MAPK6: variants seen among roughly 807,000 people sequenced by gnomAD.
MAPK6 encodes the protein ERK-3.
In MAPK6, 19 loss-of-function variants were observed where a neutral mutation model predicts 59.3. The observed-to-expected ratio is 0.32, with a 90% CI of 0.22 to 0.47. The LOEUF is 0.47. Ranked by LOEUF, MAPK6 falls within the 20% of genes least tolerant of loss-of-function variation. The pLI is 1.00. For synonymous variants in MAPK6, 316 were observed against 290.3 expected, an observed-to-expected ratio of 1.09 and a Z score of -0.90; for missense variants, 724 against 847.9, an observed-to-expected ratio of 0.85 and a Z score of 1.81.
intron 2 of MAPK6, among the ~76,000 whole-genome samples, chr15:51,984,430 T>C (rs1004986859): frequency 2.1e-5 from 3 of 145,026 alleles, no homozygotes; most frequent in South Asian, 4.6e-4. Flanking sequence ...TACAGGCGCC[T>C]GCCAACACGC....
chr15:51,975,157 T>C (rs1468182946), intron 1 of MAPK6, among the ~76,000 whole-genome samples: 2 of 151,862 alleles, frequency 1.3e-5, no homozygotes, highest in Admixed American at 6.6e-5. Context: ...TTAGATACCA[T>C]AGAACCCGAA....
intron 4 of MAPK6, among the ~76,000 whole-genome samples, chr15:52,059,046 C>G (rs1019706905): frequency 1.3e-5 from 2 of 152,182 alleles, no homozygotes; most frequent in African/African-American, 4.8e-5. Flanking sequence ...AATATAGGCA[C>G]TGGGGACAAA....
upstream of MAPK6, among the ~76,000 whole-genome samples, chr15:52,014,383 C>T (rs2030173985): frequency 1.3e-5 from 2 of 152,108 alleles, no homozygotes; most frequent in South Asian, 4.1e-4. Context: ...TATATGTCAT[C>T]AATTTTAAGT....
rs2031718169 is a variant in MAPK6, at chr15:52,049,760, A to G, written c.556-233A>G. Among the ~76,000 whole-genome samples, 3 of 151,932 alleles carry G rather than the reference A, an allele frequency of 2.0e-5. No individual in the cohort carries two copies. In the Middle Eastern group the frequency reaches 0.01, roughly 517 times the overall value. ...CTCCCAAGTAGCTGGGTTTACAGGCATGCACCACCACACCTGGCTAATTTT... is the reference window on the plus strand; with the variant it reads ...CTCCCAAGTAGCTGGGTTTACAGGCGTGCACCACCACACCTGGCTAATTTT... On this transcript the variant is annotated intron_variant, in intron 2 of 5. Transcript: ENST00000261845.
At chr15:52,063,613 T>C (rs938481881) in intron 5 of MAPK6, among the ~76,000 whole-genome samples, 1 of 151,746 alleles carries the variant, frequency 6.6e-6, no homozygotes, top group African/African-American at 2.4e-5. Flanking sequence ...AGGTACCTGA[T>C]TGAGATTTGA....
At chr15:52,062,716 G>C (rs1211833695) in intron 5 of MAPK6, among the ~76,000 whole-genome samples, 3 of 152,176 alleles carry the variant, frequency 2.0e-5, no homozygotes, top group Non-Finnish European at 4.4e-5. Flanking sequence ...AGTGAGCCGA[G>C]ATTGCACCAC....
chr15:51,995,360 G>A (rs1248283252), intron 2 of MAPK6, among the ~76,000 whole-genome samples: 7 of 152,156 alleles, frequency 4.6e-5, no homozygotes, highest in Non-Finnish European at 5.9e-5. Context: ...GTTGCTTTCT[G>A]CAGCTGTAGG....
chr15:52,036,096 G>A (rs1018595812), intron 1 of MAPK6, among the ~76,000 whole-genome samples: 10 of 152,090 alleles, frequency 6.6e-5, no homozygotes, highest in Non-Finnish European at 1.2e-4. Context: ...TAAGCCAGGT[G>A]GGGTGGTGTG....
rs186797992 is a variant in MAPK6, at chr15:52,025,947, G to A, written c.-632+6571G>A. 4.5e-3 allele frequency among the ~76,000 whole-genome samples: 680 copies of A among 152,302 alleles called. 6 individuals are homozygous for A. The highest frequency in any genetic ancestry group is 0.021 in the South Asian group (102 of 4,832). ...AATGTACAAATTGGAGAGAGAGTAT[G>A]TTGACTTAGTTTTTCTAATATGCCC... is the stretch of plus-strand genomic sequence containing the variant. On this transcript the variant is annotated intron_variant, in intron 1 of 5. Transcript: ENST00000261845.
intron 5 of MAPK6, among the ~76,000 whole-genome samples, chr15:52,062,897 A>G (rs2032259276): frequency 6.6e-6 from 1 of 152,168 alleles, no homozygotes; most frequent in South Asian, 2.1e-4. Context: ...TCATCAGGTG[A>G]TTTTGATGTA....
At chr15:52,036,910 C>T (rs1260529657) in intron 1 of MAPK6, among the ~76,000 whole-genome samples, 3 of 151,760 alleles carry the variant, frequency 2.0e-5, no homozygotes, top group Non-Finnish European at 4.4e-5. Context: ...GGCAGGGCAG[C>T]CAAATCTTGT....
chr15:52,039,389 C>G (rs2031342539), intron 1 of MAPK6, among the ~76,000 whole-genome samples: 1 of 152,102 alleles, frequency 6.6e-6, no homozygotes, highest in African/African-American at 2.4e-5. Flanking sequence ...ATGGCATGTG[C>G]TTTACAATGG....
rs1284912466 is a variant in MAPK6 at position 52,049,992 on chromosome 15, G to T, written c.556-1G>T. ...AAGTATGTTTTTTGTTTCTTTTATA[G>T]GGTCATCTTTCTGAAGGATTGGTTA... is the stretch of plus-strand genomic sequence containing the variant. On this transcript the variant is annotated splice_acceptor_variant, in intron 2 of 5. Coordinates refer to ENST00000261845, the MANE Select transcript of MAPK6 (RefSeq NM_002748.4). LOFTEE classifies it high-confidence loss of function. 6.2e-7 allele frequency: 1 copy of T among 1,609,688 alleles called. No individual in the cohort carries two copies. The highest frequency in any genetic ancestry group is 8.5e-7 in the Non-Finnish European group (1 of 1,177,886).
intron 2 of MAPK6, among the ~76,000 whole-genome samples, chr15:51,985,842 C>T (rs928528802): frequency 6.6e-6 from 1 of 151,900 alleles, no homozygotes; most frequent in Non-Finnish European, 1.5e-5. Context: ...CCTGTACTCC[C>T]AGCTACTCGG....
intron 3 of MAPK6, among the ~76,000 whole-genome samples, chr15:52,010,439 G>A (rs907818622): frequency 1.3e-5 from 2 of 149,938 alleles, no homozygotes; most frequent in Admixed American, 6.7e-5. Context: ...GGTCTTGAAC[G>A]CCTGACCTCA....
intron 1 of MAPK6, among the ~76,000 whole-genome samples, chr15:52,038,771 C>T (rs1232923481): frequency 1.3e-5 from 2 of 151,958 alleles, no homozygotes; most frequent in African/African-American, 4.8e-5. Context: ...TGGGATCAAG[C>T]GTTATTATAA....
intron 3 of MAPK6, among the ~76,000 whole-genome samples, chr15:52,012,320 G>T (rs1374122601): frequency 6.6e-6 from 1 of 152,120 alleles, no homozygotes; most frequent in Non-Finnish European, 1.5e-5. Flanking sequence ...TGTAAATGTG[G>T]TGTCTGTATT....
At chr15:52,035,407 G>A (rs2031204630) in intron 1 of MAPK6, among the ~76,000 whole-genome samples, 1 of 152,114 alleles carries the variant, frequency 6.6e-6, no homozygotes, top group African/African-American at 2.4e-5. Context: ...GGCCGAGGCG[G>A]GTGGATCTCG....
exon 3 of MAPK6, chr15:52,004,268 T>G (rs542710932): frequency 1.2e-4 from 18 of 152,374 alleles, no homozygotes; most frequent in Admixed American, 2.6e-4. Flanking sequence ...TCCCTAGGAA[T>G]GCTTTGCCTT....
Sources: gnomAD v4.1 joint callset for allele counts (sites outside exome capture counted in the v4.1 genomes callset) on GRCh38, gnomAD v4.1.1 for gene constraint, MANE v1.5 for transcripts, NCBI Gene and HGNC (gene_info 2026-07-23, HGNC 2026-07-21) for gene names.